DUSP16: variants seen among roughly 807,000 people sequenced by gnomAD.
The protein encoded by DUSP16 is dual specificity phosphatase 16.
In DUSP16, 21 loss-of-function variants were observed where a neutral mutation model predicts 58.3. The observed-to-expected ratio is 0.36, with a 90% CI of 0.26 to 0.52. DUSP16 has a LOEUF of 0.52. DUSP16 is among the 20% of genes least tolerant of loss of function. DUSP16 has a pLI of 0.94. For missense variants in DUSP16, 726 were observed against 819.0 expected (o/e 0.89, Z 1.39); for synonymous variants, 320 against 323.8 (o/e 0.99, Z 0.12).
intron 1 of DUSP16, among the ~76,000 whole-genome samples, chr12:12,528,407 T>C (rs1944335619): frequency 6.6e-6 from 1 of 152,154 alleles, no homozygotes; most frequent in Admixed American, 6.5e-5. Context: ...CGGCCAGGGA[T>C]TGGCTTAATC....
At chr12:12,527,769 A>C (rs1944326275) in intron 1 of DUSP16, among the ~76,000 whole-genome samples, 2 of 152,202 alleles carry the variant, frequency 1.3e-5, no homozygotes, top group South Asian at 4.1e-4. Flanking sequence ...GCTTGAAGCA[A>C]AACTATTTAG....
intron 3 of DUSP16, among the ~76,000 whole-genome samples, chr12:12,507,359 G>C (rs1316525127): frequency 6.6e-6 from 1 of 152,100 alleles, no homozygotes; most frequent in Non-Finnish European, 1.5e-5. Flanking sequence ...TTTAAATAGG[G>C]AGCAAGTCAC....
Position 12,477,026 on chromosome 12 carries a change from T to G in DUSP16, c.1805A>C (p.Lys602Thr). Residue 602 changes from lysine (K) to threonine (T), a missense_variant, in exon 7 of 7, where the codon AAG becomes ACG. Transcript: ENST00000298573. The surrounding 1 kb of genome is among the most constrained non-coding windows in gnomAD (Gnocchi z 4.1). ...DQVYSVRRRQ[K>T]PSDRADSRRS... ...CCGCGAGTCAGCTCTGTCACTTGGCTTCTGCCGCCTGCGCACAGAATAGAC... is the reference window on the plus strand; with the variant it reads ...CCGCGAGTCAGCTCTGTCACTTGGCGTCTGCCGCCTGCGCACAGAATAGAC... The G allele has an allele frequency of 6.2e-7, 1 of 1,614,276 alleles. No individual in the cohort carries two copies. The highest frequency in any genetic ancestry group is 1.1e-5 in the South Asian group (1 of 91,090).
Position 12,476,863 on chromosome 12 carries a change from C to A in DUSP16, c.1968G>T (p.Ser656=). ...LGKVGSQSSF[S]GSMEIIEVS is the part of the protein sequence containing the mutation. ...AGACCTCAATGATTTCCATGCTGCC[C>A]GAAAAGCTAGACTGACTGCCCACTT... The change falls in exon 7 of 7, where the codon TCG becomes TCT. Residue 656 remains serine (S), a synonymous_variant. Coordinates refer to ENST00000298573, the MANE Select transcript of DUSP16 (RefSeq NM_030640.3). The A allele has an allele frequency of 6.2e-7, 1 of 1,609,812 alleles. No individual in the cohort carries two copies. Among genetic ancestry groups the A allele is most frequent in the Non-Finnish European group, 8.5e-7 (1 of 1,178,862 alleles).
At chr12:12,524,352 G>T (rs1944273860) in intron 1 of DUSP16, among the ~76,000 whole-genome samples, 2 of 152,200 alleles carry the variant, frequency 1.3e-5, no homozygotes. Context: ...GAGTCCTCCT[G>T]GTAGGACTTC....
chr12:12,504,519 C>A (rs1943956870), intron 3 of DUSP16, among the ~76,000 whole-genome samples: 1 of 152,080 alleles, frequency 6.6e-6, no homozygotes, highest in Non-Finnish European at 1.5e-5. Context: ...ACCTTGGCCT[C>A]CCACAGTGCT....
intron 5 of DUSP16, among the ~76,000 whole-genome samples, chr12:12,486,006 G>T (rs892632570): frequency 6.6e-6 from 1 of 151,394 alleles, no homozygotes. Context: ...TGTTAGCCAG[G>T]ATGGTCTCAA....
At chr12:12,548,159 C>T (rs947598815) in intron 1 of DUSP16, among the ~76,000 whole-genome samples, 3 of 151,836 alleles carry the variant, frequency 2.0e-5, no homozygotes, top group African/African-American at 7.3e-5. Flanking sequence ...TCCTACAACT[C>T]AACAACAAAA....
intron 4 of DUSP16, among the ~76,000 whole-genome samples, chr12:12,494,081 A>G (rs1487482419): frequency 6.6e-6 from 1 of 152,218 alleles, no homozygotes; most frequent in East Asian, 1.9e-4. Context: ...ATCAGTATCT[A>G]GTAACTGGTT....
intron 3 of DUSP16, among the ~76,000 whole-genome samples, chr12:12,516,809 C>T (rs1944161501): frequency 6.6e-6 from 1 of 152,052 alleles, no homozygotes; most frequent in South Asian, 2.1e-4. Context: ...AATATAAAAC[C>T]TTCAGGTAAG....
rs1294185257 is a variant in DUSP16 at position 12,476,981 on chromosome 12, C to G, written c.1850G>C (p.Ser617Thr). 6.2e-7 allele frequency: 1 copy of G among 1,614,232 alleles called. No individual in the cohort carries two copies. Among genetic ancestry groups the G allele is most frequent in the Admixed American group, 1.7e-5 (1 of 60,036 alleles). ...ADSRRSWHEE[S>T]PFEKQFKRRS... is the part of the protein sequence containing the mutation. The stretch of plus-strand genomic sequence containing the variant: ...GCGTTTAAACTGCTTTTCAAAGGGG[C>G]TCTCTTCATGCCAGCTCCGCCGCGA... Residue 617 changes from serine (S) to threonine (T), a missense_variant, in exon 7 of 7, where the codon AGC (serine) becomes ACC (threonine). By Grantham distance (58) the Ser-to-Thr change is moderately conservative. Coordinates refer to ENST00000298573, the MANE Select transcript of DUSP16 (RefSeq NM_030640.3).
rs753103309 is a variant in DUSP16 at position 12,487,112 on chromosome 12, C to G, written c.607G>C (p.Glu203Gln). The G allele has an allele frequency of 1.2e-6, 2 of 1,613,968 alleles. No homozygotes were observed. The highest frequency in any genetic ancestry group is 2.2e-5 in the East Asian group (1 of 44,896). ...ACAGGCACACGCAGGAAATGAGACT[C>G]GGGGATAAAGTCAGGCTTTGGACAG... Reference protein sequence around the residue: ...NTCPKPDFIPESHFLRVPVND... With the variant: ...NTCPKPDFIPQSHFLRVPVND... Residue 203 changes from glutamate (E) to glutamine (Q), a missense_variant, in exon 5 of 7, where the codon GAG (glutamate) becomes CAG (glutamine). Physicochemically the swap from Glu to Gln is conservative, Grantham distance 29. Coordinates refer to ENST00000298573, the MANE Select transcript of DUSP16 (RefSeq NM_030640.3).
chr12:12,482,172 C>G (rs1026294956), intron 5 of DUSP16, among the ~76,000 whole-genome samples: 5 of 152,042 alleles, frequency 3.3e-5, no homozygotes, highest in African/African-American at 9.7e-5. Context: ...TTATAAGGAC[C>G]TAGAAGGATC....
chr12:12,526,047 A>G lies in DUSP16; in HGVS notation c.-365-4584T>C, dbSNP rs946725188. Among the ~76,000 whole-genome samples, 8 of 152,352 alleles carry G rather than the reference A, an allele frequency of 5.3e-5. No individual in the cohort carries two copies. In the South Asian group the frequency reaches 1.4e-3, roughly 28 times the overall value. ...AAGACTGGTAACCTTAATCAGGGCT[A>G]CTACACAAAAAACTGCAAAGTATCC... On this transcript the variant is annotated intron_variant, in intron 1 of 6. Transcript: ENST00000298573.
chr12:12,551,218 T>G (rs924985313), intron 1 of DUSP16, among the ~76,000 whole-genome samples: 4 of 152,036 alleles, frequency 2.6e-5, no homozygotes, highest in African/African-American at 9.7e-5. Context: ...CCGGCAATAT[T>G]GGGCTGCTGG....
At chr12:12,510,202 C>A (rs1944055096) in intron 3 of DUSP16, among the ~76,000 whole-genome samples, 1 of 152,030 alleles carries the variant, frequency 6.6e-6, no homozygotes, top group Middle Eastern at 3.2e-3. Flanking sequence ...TATGATTATA[C>A]CCCAGATGAG....
At chr12:12,542,335 T>C (rs1368218622) in intron 1 of DUSP16, among the ~76,000 whole-genome samples, 1 of 142,800 alleles carries the variant, frequency 7.0e-6, no homozygotes, top group Non-Finnish European at 1.5e-5. Context: ...ATCACGCCAT[T>C]GCACTCCAGC....
intron 5 of DUSP16, among the ~76,000 whole-genome samples, chr12:12,486,695 T>G (rs530774040): frequency 2.8e-4 from 42 of 152,334 alleles, no homozygotes; most frequent in African/African-American, 1.0e-3. Flanking sequence ...CAAAGGCTTG[T>G]ATAGGATTTG....
intron 1 of DUSP16, among the ~76,000 whole-genome samples, chr12:12,547,037 A>G (rs1944650178): frequency 6.6e-6 from 1 of 152,262 alleles, no homozygotes; most frequent in South Asian, 2.1e-4. Flanking sequence ...AAATCAGTTT[A>G]GAAATACTTC....
Sources: gnomAD v4.1 joint callset for allele counts (sites outside exome capture counted in the v4.1 genomes callset) on GRCh38, gnomAD v4.1.1 for gene constraint, Gnocchi (gnomAD v3.1) non-coding constraint, MANE v1.5 for transcripts, NCBI Gene and HGNC (gene_info 2026-07-23, HGNC 2026-07-21) for gene names.